The following DSCAM variants were observed in gnomAD, a reference collection of about 807,000 sequenced individuals.
DSCAM encodes the protein DS cell adhesion molecule.
A neutral mutation model predicts 217.7 loss-of-function variants in DSCAM; 47 were observed. That is an observed-to-expected ratio of 0.22 (90% CI 0.17 to 0.28). DSCAM has a LOEUF of 0.28. Ranked by LOEUF, DSCAM falls within the 10% of genes least tolerant of loss-of-function variation. The pLI is 1.00. For missense variants in DSCAM, 2,080 were observed against 2,618.3 expected, an observed-to-expected ratio of 0.79 and a Z score of 4.49; for synonymous variants, 1,056 against 1,015.3, an observed-to-expected ratio of 1.04 and a Z score of -0.76.
intron 1 of DSCAM, among the ~76,000 whole-genome samples, chr21:40,732,967 C>T (rs1044834350): frequency 6.6e-6 from 1 of 152,340 alleles, no homozygotes; most frequent in East Asian, 1.9e-4. Flanking sequence ...GAGGCAATTA[C>T]AGCGACAGTT....
chr21:40,663,267 TG>T (rs11311969), intron 3 of DSCAM, among the ~76,000 whole-genome samples: 65,200 of 115,662 alleles, frequency 0.56, 15,692 homozygotes, highest in East Asian at 0.67. Flanking sequence ...AGTGTGTGTG[TG>T]GGGGGGGTGT....
At chr21:40,698,788 T>C (rs2090622167) in intron 2 of DSCAM, among the ~76,000 whole-genome samples, 1 of 150,294 alleles carries the variant, frequency 6.7e-6, no homozygotes, top group Non-Finnish European at 1.5e-5. Context: ...GAGAATCACT[T>C]GAACCCGGGA....
At chr21:40,159,860 G>A (rs922034600) in intron 16 of DSCAM, among the ~76,000 whole-genome samples, 13 of 152,216 alleles carry the variant, frequency 8.5e-5, no homozygotes, top group African/African-American at 3.1e-4. Flanking sequence ...TGGGATTACA[G>A]GCATGTGCCA....
chr21:40,184,162 T>C (rs2090869152), intron 14 of DSCAM, among the ~76,000 whole-genome samples: 1 of 152,238 alleles, frequency 6.6e-6, no homozygotes, highest in African/African-American at 2.4e-5. Flanking sequence ...ATTTAGGCTG[T>C]TATTAATACT....
chr21:40,259,661 C>CTTTTTTTTTTTTT lies in DSCAM; in HGVS notation c.2356+16423_2356+16435dup, dbSNP rs542106779. ...GAATGAAAGTTTTGAGTCAGCCATT[C>CTTTTTTTTTTTTT]TTTTTTTTTTTTTTTTTTTTTTTTT... On this transcript the variant is annotated intron_variant, in intron 11 of 32. Transcript: ENST00000400454. 2.7e-4 allele frequency among the ~76,000 whole-genome samples: 16 copies of CTTTTTTTTTTTTT among 59,516 alleles called. 3 individuals carry two copies. The highest frequency in any genetic ancestry group is 4.8e-4 in the Non-Finnish European group (13 of 27,258). 39.0% of individuals were successfully genotyped at this position (59,516 alleles called of 152,430 possible).
At chr21:40,770,349 C>G (rs911892907) in intron 1 of DSCAM, among the ~76,000 whole-genome samples, 3 of 152,188 alleles carry the variant, frequency 2.0e-5, no homozygotes, top group African/African-American at 7.2e-5. Context: ...ATCTCAGCAT[C>G]AAAGTATTAA....
chr21:40,300,185 G>T (rs2073999127), intron 9 of DSCAM, among the ~76,000 whole-genome samples: 1 of 152,042 alleles, frequency 6.6e-6, no homozygotes, highest in African/African-American at 2.4e-5. Context: ...ATCTTCCCTT[G>T]GTGTGTAGAG....
chr21:40,782,786 C>A (rs2837816), intron 1 of DSCAM, among the ~76,000 whole-genome samples: 99,149 of 152,080 alleles, frequency 0.65, 32,887 homozygotes, highest in South Asian at 0.8. Flanking sequence ...TTGTACATAG[C>A]TGGGATTCAG....
chr21:40,251,353 A>AG (rs1316425248), intron 11 of DSCAM, among the ~76,000 whole-genome samples: 2 of 152,216 alleles, frequency 1.3e-5, no homozygotes, highest in Non-Finnish European at 2.9e-5. Flanking sequence ...ATTAGCAGAG[A>AG]GAAAAAAAAA....
intron 27 of DSCAM, among the ~76,000 whole-genome samples, chr21:40,068,323 A>C (rs1270304355): frequency 6.6e-6 from 1 of 152,066 alleles, no homozygotes; most frequent in African/African-American, 2.4e-5. Context: ...AGTAATTGAG[A>C]GGTAGTGTAG....
chr21:40,124,361 G>A (rs1286807546), intron 19 of DSCAM, 33 bp from the exon 20 acceptor site: 1 of 1,611,764 alleles, frequency 6.2e-7, no homozygotes, highest in Non-Finnish European at 8.5e-7. Flanking sequence ...CACAAGGTGG[G>A]GCCTCAACTT....
chr21:40,680,766 C>T (rs1050506186), intron 3 of DSCAM, among the ~76,000 whole-genome samples: 1 of 152,206 alleles, frequency 6.6e-6, no homozygotes, highest in Admixed American at 6.5e-5. Flanking sequence ...CATACATGAG[C>T]CTTGGAGAGT....
At chr21:40,666,023 C>T (rs866890007) in intron 3 of DSCAM, among the ~76,000 whole-genome samples, 14 of 152,108 alleles carry the variant, frequency 9.2e-5, no homozygotes, top group Non-Finnish European at 1.5e-4. Flanking sequence ...CTGACACCTG[C>T]TAGAGGGCCA....
chr21:40,023,201 CTCA>C (rs1470474098), intron 32 of DSCAM, among the ~76,000 whole-genome samples: 1 of 152,092 alleles, frequency 6.6e-6, no homozygotes, highest in Non-Finnish European at 1.5e-5. Context: ...AGGACATGAA[CTCA>C]TCATTTTTTA....
At chr21:40,631,297 C>A (rs950876368) in intron 3 of DSCAM, among the ~76,000 whole-genome samples, 1 of 152,142 alleles carries the variant, frequency 6.6e-6, no homozygotes, top group Admixed American at 6.5e-5. Context: ...CAAATCTCAC[C>A]GCTTGATAAT....
At chr21:40,200,931 G>A (rs535904970) in intron 11 of DSCAM, among the ~76,000 whole-genome samples, 2 of 152,308 alleles carry the variant, frequency 1.3e-5, no homozygotes, top group African/African-American at 4.8e-5. Flanking sequence ...ATAAGATTTC[G>A]GCAAGTGAGG....
At chr21:40,656,013 C>A (rs2090071308) in intron 3 of DSCAM, among the ~76,000 whole-genome samples, 1 of 150,692 alleles carries the variant, frequency 6.6e-6, no homozygotes, top group Non-Finnish European at 1.5e-5. Context: ...GATTGCACCA[C>A]TGCACTCCAG....
chr21:40,676,129 C>T (rs1022426), intron 3 of DSCAM, among the ~76,000 whole-genome samples: 70,175 of 152,066 alleles, frequency 0.46, 16,599 homozygotes, highest in East Asian at 0.59. Context: ...AGAAAGTAAT[C>T]ATCCATATCC....
At chr21:40,082,424 C>A (rs1018464401) in intron 24 of DSCAM, among the ~76,000 whole-genome samples, 2 of 152,206 alleles carry the variant, frequency 1.3e-5, no homozygotes, top group Non-Finnish European at 1.5e-5. Flanking sequence ...CGTGCCACTG[C>A]ACTCCGGCCT....
Sources: allele counts gnomAD v4.1 joint callset (sites outside exome capture counted in the v4.1 genomes callset), GRCh38; gene constraint gnomAD v4.1.1; transcripts MANE v1.5; gene names NCBI Gene and HGNC (gene_info 2026-07-23, HGNC 2026-07-21).